The following TMEM108 variants were observed in gnomAD, a reference collection of about 807,000 sequenced individuals.
TMEM108 encodes cancer/testis antigen 124.
In TMEM108, 12 loss-of-function variants were observed where a neutral mutation model predicts 35.1. The observed-to-expected ratio is 0.34, with a 90% confidence interval of 0.22 to 0.55. The LOEUF is 0.55. Ranked by LOEUF, TMEM108 falls within the 20% of genes least tolerant of loss-of-function variation. The pLI, the probability that TMEM108 is intolerant of heterozygous loss-of-function variation, is 0.89. For synonymous variants in TMEM108, 287 were observed against 308.6 expected, an observed-to-expected ratio of 0.93 and a Z score of 0.73; for missense variants, 680 against 753.3, an observed-to-expected ratio of 0.90 and a Z score of 1.14.
intron 2 of TMEM108, among the ~76,000 whole-genome samples, chr3:133,183,139 A>C (rs1401997488): frequency 6.6e-6 from 1 of 152,198 alleles, no homozygotes; most frequent in Admixed American, 6.5e-5. Flanking sequence ...ACATTCAAAA[A>C]ATTGCAGGTT....
chr3:133,155,435 A>G (rs539071552), intron 2 of TMEM108, among the ~76,000 whole-genome samples: 1 of 152,186 alleles, frequency 6.6e-6, no homozygotes, highest in East Asian at 1.9e-4. Context: ...AGGAATTACC[A>G]CATCCACAGT....
intron 2 of TMEM108, among the ~76,000 whole-genome samples, chr3:133,180,975 T>C (rs1945328980): frequency 7.3e-6 from 1 of 136,650 alleles, no homozygotes; most frequent in Admixed American, 8.0e-5. Flanking sequence ...TCCCCTAATC[T>C]TTCATGTTGT....
At chr3:133,092,262 G>A (rs989541458) in intron 2 of TMEM108, among the ~76,000 whole-genome samples, 1 of 152,204 alleles carries the variant, frequency 6.6e-6, no homozygotes, top group Non-Finnish European at 1.5e-5. Flanking sequence ...AAAGATAGCA[G>A]ATGTCTAGAA....
chr3:133,343,133 A>G (rs1214926194), intron 3 of TMEM108, among the ~76,000 whole-genome samples: 1 of 151,896 alleles, frequency 6.6e-6, no homozygotes, highest in Admixed American at 6.6e-5. Flanking sequence ...GCCCAAGACT[A>G]TTTGTCCTTA....
intron 2 of TMEM108, among the ~76,000 whole-genome samples, chr3:133,158,210 C>T (rs574784854): frequency 1.3e-5 from 2 of 152,182 alleles, no homozygotes; most frequent in Non-Finnish European, 2.9e-5. Flanking sequence ...TGGCTCACAC[C>T]TGTAATCCCA....
intron 3 of TMEM108, among the ~76,000 whole-genome samples, chr3:133,300,245 A>T (rs529103351): frequency 1.3e-5 from 2 of 152,244 alleles, no homozygotes; most frequent in East Asian, 3.9e-4. Flanking sequence ...TAAGACCTGA[A>T]AGAGACGGAT....
chr3:133,284,772 C>T (rs2107690911), intron 3 of TMEM108, among the ~76,000 whole-genome samples: 1 of 152,326 alleles, frequency 6.6e-6, no homozygotes, highest in East Asian at 1.9e-4. Context: ...CTATCTTATT[C>T]AAACCAAGAA....
intron 2 of TMEM108, among the ~76,000 whole-genome samples, chr3:133,182,798 G>A (rs1945366164): frequency 6.6e-6 from 1 of 152,204 alleles, no homozygotes; most frequent in South Asian, 2.1e-4. Flanking sequence ...GTCTTGAGAA[G>A]ATAGTATTTC....
intron 2 of TMEM108, among the ~76,000 whole-genome samples, chr3:133,102,097 C>T (rs767986457): frequency 1.1e-4 from 17 of 152,198 alleles, no homozygotes; most frequent in Non-Finnish European, 2.4e-4. Context: ...ATGCCAAGCA[C>T]AACTCGCACA....
intron 2 of TMEM108, among the ~76,000 whole-genome samples, chr3:133,055,309 T>G (rs551911850): frequency 6.6e-6 from 1 of 152,336 alleles, no homozygotes; most frequent in Admixed American, 6.5e-5. Context: ...TTAACTCAAA[T>G]TTGTGCATAT....
intron 2 of TMEM108, among the ~76,000 whole-genome samples, chr3:133,059,139 ATG>A (rs1210424246): frequency 6.6e-6 from 1 of 152,156 alleles, no homozygotes; most frequent in Non-Finnish European, 1.5e-5. Context: ...CGTTAATCCC[ATG>A]TGTGAGGGCT....
intron 3 of TMEM108, among the ~76,000 whole-genome samples, chr3:133,279,324 C>T (rs1946880728): frequency 6.6e-6 from 1 of 152,188 alleles, no homozygotes; most frequent in Admixed American, 6.5e-5. Flanking sequence ...GTCTGGAGAC[C>T]ACCATGTCTA....
chr3:133,287,356 A>T (rs888245311), intron 3 of TMEM108, among the ~76,000 whole-genome samples: 7 of 152,214 alleles, frequency 4.6e-5, no homozygotes, highest in Admixed American at 2.0e-4. Flanking sequence ...AACTGGGTTT[A>T]AACAAAGCAC....
At chr3:133,231,792 C>G (rs1297923735) in intron 3 of TMEM108, among the ~76,000 whole-genome samples, 1 of 152,118 alleles carries the variant, frequency 6.6e-6, no homozygotes, top group East Asian at 1.9e-4. Context: ...GTTCATAAGT[C>G]ATTATTAATA....
chr3:133,122,862 C>CA (rs11375073), intron 2 of TMEM108, among the ~76,000 whole-genome samples: 52,255 of 104,076 alleles, frequency 0.5, 12,219 homozygotes, highest in Admixed American at 0.57. Context: ...GACTCCATCT[C>CA]AAAAAAAAAA....
intron 3 of TMEM108, among the ~76,000 whole-genome samples, chr3:133,357,286 G>T (rs3914306): frequency 0.33 from 50,209 of 152,072 alleles, 8,824 homozygotes; most frequent in East Asian, 0.48. Flanking sequence ...ATCAATAGTC[G>T]TTGGCGTGGA....
At chr3:133,214,967 C>T (rs1945885495) in intron 2 of TMEM108, among the ~76,000 whole-genome samples, 1 of 152,148 alleles carries the variant, frequency 6.6e-6, no homozygotes, top group Non-Finnish European at 1.5e-5. Flanking sequence ...AATTGTCCTT[C>T]TCGAAACTGG....
chr3:133,080,792 G>T (rs184780671), intron 2 of TMEM108, among the ~76,000 whole-genome samples: 2 of 152,106 alleles, frequency 1.3e-5, no homozygotes, highest in Admixed American at 6.5e-5. Context: ...TTTCATCCTA[G>T]TACTTAATAT....
In TMEM108 at chr3:133,134,970, TA is replaced by T. The variant is rs967425349; in HGVS notation, c.-47+88960del. Among the ~76,000 whole-genome samples the T allele has an allele frequency of 1.1e-3, 170 of 150,400 alleles. 2 individuals carry two copies. Among genetic ancestry groups the T allele is most frequent in the Admixed American group, 7.0e-3 (105 of 15,090 alleles). Reference sequence around the variant, plus strand: ...TCCTGCTATTTTAACAGGCATCCTTTAAAAAAAAAATCTCTATTTGAATATG... The same window carrying T: ...TCCTGCTATTTTAACAGGCATCCTTTAAAAAAAAATCTCTATTTGAATATG... On this transcript the variant is annotated intron_variant, in intron 2 of 5. Transcript: ENST00000321871.
Sources: allele counts gnomAD v4.1 joint callset (sites outside exome capture counted in the v4.1 genomes callset), GRCh38; gene constraint gnomAD v4.1.1; transcripts MANE v1.5; gene names NCBI Gene and HGNC (gene_info 2026-07-23, HGNC 2026-07-21).